Variants in LRIG1 observed in about 807,000 individuals in gnomAD.
The protein encoded by LRIG1 is leucine rich repeats and immunoglobulin like domains 1.
LRIG1 carries 48 observed loss-of-function variants against 99.2 expected under a neutral mutation model. The observed-to-expected ratio is 0.48, with a 90% CI of 0.38 to 0.62. The LOEUF (loss-of-function observed/expected upper bound fraction) is 0.62. Among genes scored for constraint, LRIG1 ranks in the 20% least tolerant of loss-of-function variants. The probability of loss-of-function intolerance (pLI) is 0.00; values close to 1 mark genes in which losing one functional copy is unlikely to be tolerated. For synonymous variants in LRIG1, 772 were observed against 596.1 expected (o/e 1.29, Z -4.30); for missense variants, 1,646 against 1,434.4 (o/e 1.15, Z -2.38).
chr3:66,423,333 G>A (rs1392525919), intron 3 of LRIG1, among the ~76,000 whole-genome samples: 2 of 152,156 alleles, frequency 1.3e-5, no homozygotes, highest in African/African-American at 4.8e-5. Flanking sequence ...CACTTTAGGA[G>A]GCTGAGGTGG....
intron 2 of LRIG1, among the ~76,000 whole-genome samples, chr3:66,454,329 T>C (rs558493242): frequency 1.3e-5 from 2 of 152,306 alleles, no homozygotes; most frequent in South Asian, 4.1e-4. Context: ...AAGAACTTCT[T>C]GCCAGACTGA....
intron 1 of LRIG1, among the ~76,000 whole-genome samples, chr3:66,484,234 G>C (rs1700917423): frequency 6.6e-6 from 1 of 152,054 alleles, no homozygotes; most frequent in African/African-American, 2.4e-5. Context: ...ATTTCCACAG[G>C]ACATACAGGA....
At chr3:66,448,288 T>G (rs747570828) in intron 3 of LRIG1, among the ~76,000 whole-genome samples, 1 of 152,120 alleles carries the variant, frequency 6.6e-6, no homozygotes, top group African/African-American at 2.4e-5. Context: ...GCCACCCAGC[T>G]TGGGAGGGCT....
intron 11 of LRIG1, among the ~76,000 whole-genome samples, chr3:66,397,533 A>AG: frequency 6.6e-6 from 1 of 151,978 alleles, no homozygotes; most frequent in East Asian, 1.9e-4. Flanking sequence ...AGTAGGATAC[A>AG]GGGAAGCTTT....
chr3:66,380,313 G>C lies in LRIG1; in HGVS notation c.3232C>G (p.Gln1078Glu). ...GGCACCCTCTGTTTCCCGGGGAGCTGTCCTGTCAGTGGCGTGGACTCGGGA... is the reference window on the plus strand; with the variant it reads ...GGCACCCTCTGTTTCCCGGGGAGCTCTCCTGTCAGTGGCGTGGACTCGGGA... ...ASPESTPLTG[Q>E]LPGKQRVPLL... The change falls in exon 19 of 19, where the codon CAG becomes GAG. Residue 1078 changes from glutamine (Q) to glutamate (E), a missense_variant. Transcript: ENST00000273261. 6.2e-7 allele frequency: 1 copy of C among 1,614,210 alleles called. No individual in the cohort carries two copies. Among genetic ancestry groups the C allele is most frequent in the South Asian group, 1.1e-5 (1 of 91,084 alleles).
intron 6 of LRIG1, among the ~76,000 whole-genome samples, chr3:66,410,842 T>C (rs1702440977): frequency 6.6e-6 from 1 of 152,206 alleles, no homozygotes. Context: ...AGGTAACCTG[T>C]CTAAGACTTT....
intron 9 of LRIG1, among the ~76,000 whole-genome samples, chr3:66,399,563 A>G (rs1389330519): frequency 6.6e-6 from 1 of 152,188 alleles, no homozygotes; most frequent in South Asian, 2.1e-4. Context: ...ACTTGAGCCC[A>G]AGAGTTTGAG....
intron 1 of LRIG1, among the ~76,000 whole-genome samples, chr3:66,469,907 CAAA>C (rs55768550): frequency 1.7e-5 from 2 of 115,808 alleles, no homozygotes; most frequent in Admixed American, 9.7e-5. Flanking sequence ...CTGTCCCTAC[CAAA>C]AAAAAAAAAA....
At chr3:66,403,135 C>T (rs186600261) in intron 9 of LRIG1, among the ~76,000 whole-genome samples, 2 of 152,244 alleles carry the variant, frequency 1.3e-5, no homozygotes, top group East Asian at 1.9e-4. Flanking sequence ...AATCCTCCTC[C>T]GGTCGTGCCA....
chr3:66,462,865 C>A (rs1228255213), intron 1 of LRIG1, among the ~76,000 whole-genome samples: 2 of 152,112 alleles, frequency 1.3e-5, no homozygotes, highest in Non-Finnish European at 2.9e-5. Context: ...TTCTTAACGG[C>A]ATTTTTTTAA....
At chr3:66,419,566 A>G (rs1397334481) in intron 3 of LRIG1, among the ~76,000 whole-genome samples, 1 of 152,140 alleles carries the variant, frequency 6.6e-6, no homozygotes, top group African/African-American at 2.4e-5. Context: ...GGAGACAGGT[A>G]GGCAGAAGCC....
At chr3:66,387,220 G>A (rs1480831379) in intron 12 of LRIG1, 1 of 151,792 alleles carries the variant, frequency 6.6e-6, no homozygotes, top group Non-Finnish European at 1.5e-5. Context: ...GAAAATGTGG[G>A]GAATACAGTG....
intron 12 of LRIG1, among the ~76,000 whole-genome samples, chr3:66,393,698 C>T (rs927329452): frequency 6.6e-6 from 1 of 152,206 alleles, no homozygotes. Flanking sequence ...CACATTAAAA[C>T]GCCAGCCTCG....
rs1188826169 is a variant in LRIG1 at position 66,410,803 on chromosome 3, A to T, written c.792-531T>A. Among the ~76,000 whole-genome samples the T allele has an allele frequency of 2.0e-5, 3 of 152,340 alleles. No individual in the cohort carries two copies. The East Asian group carries it at 5.8e-4, about 29-fold the overall frequency. On this transcript the variant is annotated intron_variant, in intron 6 of 18. Coordinates refer to ENST00000273261, the MANE Select transcript of LRIG1 (RefSeq NM_015541.3). ...GCTCTTATTATCACCCGCATCTCAC[A>T]CATGAGGAATGTGCTGCTGAGAGAA...
chr3:66,417,066 G>A, intron 4 of LRIG1, 63 bp downstream of exon 4: 1 of 1,592,286 alleles, frequency 6.3e-7, no homozygotes, highest in Non-Finnish European at 8.6e-7. Flanking sequence ...CTGGGTGCCG[G>A]TGAAGCTGTT....
intron 3 of LRIG1, among the ~76,000 whole-genome samples, chr3:66,432,584 G>A (rs1307575279): frequency 6.6e-6 from 1 of 152,150 alleles, no homozygotes; most frequent in African/African-American, 2.4e-5. Flanking sequence ...CCATTTTACA[G>A]ATGGGGATGC....
chr3:66,445,291 T>A (rs1454210925), intron 3 of LRIG1, among the ~76,000 whole-genome samples: 1 of 151,786 alleles, frequency 6.6e-6, no homozygotes, highest in African/African-American at 2.4e-5. Context: ...TTTTTTAAAG[T>A]AAGGTTTACT....
chr3:66,412,771 T>C, intron 6 of LRIG1, 100 bp downstream of exon 6: 2 of 1,371,524 alleles, frequency 1.5e-6, no homozygotes, highest in East Asian at 4.9e-5. Context: ...ACAGCAACGT[T>C]GGTGTTGGTG....
chr3:66,486,378 G>A (rs549190094), intron 1 of LRIG1, among the ~76,000 whole-genome samples: 11 of 152,198 alleles, frequency 7.2e-5, no homozygotes, highest in East Asian at 1.9e-4. Flanking sequence ...ACCACCGTGC[G>A]TCATGAACCG....
Sources: allele counts gnomAD v4.1 joint callset (sites outside exome capture counted in the v4.1 genomes callset), GRCh38; gene constraint gnomAD v4.1.1; transcripts MANE v1.5; gene names NCBI Gene and HGNC (gene_info 2026-07-23, HGNC 2026-07-21).